ZNF124: variants seen among roughly 807,000 people sequenced by gnomAD.
ZNF124 encodes the protein zinc finger protein HZF-16.
ZNF124 carries 25 observed loss-of-function variants against 26.6 expected under a neutral mutation model. The ratio of observed to expected loss-of-function variants is 0.94; its 90% CI spans 0.68 to 1.31. The LOEUF is 1.31. Ranked by LOEUF, ZNF124 falls within the 40% of genes most tolerant of loss-of-function variation. ZNF124 has a pLI of 0.00. For missense variants in ZNF124, 444 were observed against 422.2 expected (o/e 1.05, Z -0.45); for synonymous variants, 129 against 133.3 (o/e 0.97, Z 0.22).
downstream of ZNF124, among the ~76,000 whole-genome samples, chr1:247,151,634 CACA>C (rs1226002455): frequency 1.3e-5 from 2 of 152,146 alleles, no homozygotes; most frequent in Non-Finnish European, 2.9e-5. Flanking sequence ...AAACATACAA[CACA>C]ACAATGTGAT....
At chr1:247,138,825 C>A in intron 3 of ZNF124, 2 of 398,348 alleles carry the variant, frequency 5.0e-6, no homozygotes, top group East Asian at 7.1e-5. Flanking sequence ...TTGACAGTAA[C>A]AAATAACTGG....
intron 3 of ZNF124, among the ~76,000 whole-genome samples, chr1:247,134,079 C>T (rs988040794): frequency 2.6e-5 from 4 of 152,076 alleles, no homozygotes; most frequent in Non-Finnish European, 5.9e-5. Context: ...CTACCAGGCC[C>T]GTGCTGCAAG....
chr1:247,147,656 C>T (rs750818893), intron 3 of ZNF124, among the ~76,000 whole-genome samples: 1 of 152,180 alleles, frequency 6.6e-6, no homozygotes, highest in African/African-American at 2.4e-5. Context: ...GCAGGGTGAA[C>T]ATTTTGCATA....
downstream of ZNF124, among the ~76,000 whole-genome samples, chr1:247,153,833 C>T (rs1319632060): frequency 6.6e-6 from 1 of 152,166 alleles, no homozygotes; most frequent in Non-Finnish European, 1.5e-5. Flanking sequence ...AGCAGCCATG[C>T]TAACGAAAGC....
chr1:247,157,488 A>G (rs1167537005), intron 3 of ZNF124, 85 bp from the exon 4 acceptor site: 2 of 1,382,998 alleles, frequency 1.4e-6, no homozygotes, highest in Middle Eastern at 1.8e-4. Context: ...TTTTTTGTTC[A>G]GATTAAAATT....
Position 247,168,012 on chromosome 1 carries a change from T to TG in ZNF124, c.30+3835dup, listed in dbSNP as rs1262809629. Among the ~76,000 whole-genome samples the TG allele has an allele frequency of 6.6e-6, 1 of 152,174 alleles. No homozygotes were observed. Among genetic ancestry groups the TG allele is most frequent in the Non-Finnish European group, 1.5e-5 (1 of 68,036 alleles). ...CCATAATGAGATACCACCTTACTCC[T>TG]GTAAGAATGGCCATAATCATAAAAT... On this transcript the variant is annotated intron_variant, in intron 1 of 3. Transcript: ENST00000543802. The surrounding 1 kb of genome is among the most constrained non-coding windows in gnomAD (Gnocchi z 4.0).
intron 3 of ZNF124, among the ~76,000 whole-genome samples, chr1:247,143,905 C>A (rs547810240): frequency 1.6e-4 from 24 of 152,152 alleles, no homozygotes; most frequent in Non-Finnish European, 3.1e-4. Context: ...CATCTACCCC[C>A]GTAGCCTCAG....
chr1:247,141,298 C>T (rs12409513), intron 3 of ZNF124, among the ~76,000 whole-genome samples: 4,837 of 151,554 alleles, frequency 0.032, 151 homozygotes, highest in Admixed American at 0.092. Context: ...GGCAGTTCCA[C>T]TGCAGACAGC....
At chr1:247,136,711 C>A (rs566860669) in intron 3 of ZNF124, among the ~76,000 whole-genome samples, 1 of 152,104 alleles carries the variant, frequency 6.6e-6, no homozygotes, top group Non-Finnish European at 1.5e-5. Flanking sequence ...CTTTAGGAGG[C>A]CAAGGCGGGT....
chr1:247,136,985 A>G (rs149401614), intron 3 of ZNF124, among the ~76,000 whole-genome samples: 18 of 152,082 alleles, frequency 1.2e-4, no homozygotes, highest in African/African-American at 1.4e-4. Context: ...AGAAGACCCA[A>G]TATACCCAAG....
intron 3 of ZNF124, among the ~76,000 whole-genome samples, chr1:247,145,053 C>T (rs1428134259): frequency 2.0e-5 from 3 of 152,138 alleles, no homozygotes; most frequent in African/African-American, 4.8e-5. Flanking sequence ...GGATTACAGG[C>T]GTGGGCCACT....
rs1268750755 is a variant in ZNF124 at position 247,123,784 on chromosome 1, G to A, written c.*84C>T. 9 of 680,360 alleles carry A rather than the reference G, an allele frequency of 1.3e-5. 1 individual carries two copies. Among genetic ancestry groups the A allele is most frequent in the East Asian group, 5.4e-5 (2 of 36,868 alleles). 42.1% of individuals were successfully genotyped at this position (680,360 alleles called of 1,614,324 possible). On this transcript the variant is annotated 3_prime_UTR_variant, in exon 4 of 4. Coordinates refer to the ZNF124 transcript ENST00000472531. ...AGAGGTGCATGGGCTTTGGAGTCAC[G>A]AAGTTAATCCTGAGTCCCAGCCCAG...
At position 247,159,932 on chromosome 1, in the gene ZNF124, C is replaced by G. The variant is rs1479108793; in HGVS notation, c.31-119G>C. On this transcript the variant is annotated intron_variant, in intron 1 of 3. Coordinates refer to ENST00000543802, the MANE Select transcript of ZNF124 (RefSeq NM_001297568.2). ...GAACATTTATTCTACTATTTGGTCA[C>G]TAGAACTATGACTCTGTCTACACTT... The G allele has an allele frequency of 4.4e-6, 5 of 1,138,914 alleles. No homozygotes were observed. In the Admixed American group the frequency reaches 1.4e-4, roughly 33 times the overall value. 70.6% of individuals were successfully genotyped at this position (1,138,914 alleles called of 1,614,324 possible).
chr1:247,152,705 G>A (rs531714732), downstream of ZNF124, among the ~76,000 whole-genome samples: 137 of 152,124 alleles, frequency 9.0e-4, no homozygotes, highest in Non-Finnish European at 1.6e-3. Context: ...CAATCACACC[G>A]TTATGTCCAG....
In ZNF124 at chr1:247,155,624, G is replaced by A. The variant is rs138198278; in HGVS notation, c.*942C>T. On this transcript the variant is annotated 3_prime_UTR_variant, in exon 4 of 4. Transcript: ENST00000543802. Reference sequence around the variant, plus strand: ...CGCCTGTAATCCCAGCACTTTGGGAGGCTGAAGCGGGCGGATCACGAGGTC... The same window carrying A: ...CGCCTGTAATCCCAGCACTTTGGGAAGCTGAAGCGGGCGGATCACGAGGTC... Among the ~76,000 whole-genome samples, 150 of 152,180 alleles carry A rather than the reference G, an allele frequency of 9.9e-4. No individual in the cohort carries two copies. The highest frequency in any genetic ancestry group is 3.5e-3 in the African/African-American group (145 of 41,562).
At chr1:247,143,251 A>C (rs1672674309) in intron 3 of ZNF124, among the ~76,000 whole-genome samples, 1 of 152,196 alleles carries the variant, frequency 6.6e-6, no homozygotes, top group African/African-American at 2.4e-5. Context: ...ATATATAATA[A>C]TACTAAGTTA....
rs1425527128 is a variant in ZNF124 at position 247,159,109 on chromosome 1, T to C, written c.158-43A>G. 3 of 1,563,974 alleles carry C rather than the reference T, an allele frequency of 1.9e-6. No individual in the cohort carries two copies. In the South Asian group the frequency reaches 3.5e-5, roughly 18 times the overall value. On this transcript the variant is annotated intron_variant, in intron 2 of 3. Transcript: ENST00000543802. Reference sequence around the variant, plus strand: ...AAATATATTACAAATTATTTGAAATTATAGAAAAATTACTAGACTCTAGGT... The same window carrying C: ...AAATATATTACAAATTATTTGAAATCATAGAAAAATTACTAGACTCTAGGT...
rs1672555473 is a variant in ZNF124, at chr1:247,138,885, CAA to C, written c.219-15016_219-15015del. On this transcript the variant is annotated intron_variant, in intron 3 of 3. Transcript: ENST00000472531. ...GGGCAAACCTGCCTTCCGTTCTACTCAAAGTTAACCCTCTGCTCACTGAGATC... is the reference window on the plus strand; with the variant it reads ...GGGCAAACCTGCCTTCCGTTCTACTCAGTTAACCCTCTGCTCACTGAGATC... The C allele has an allele frequency of 7.6e-6, 3 of 394,690 alleles. No individual in the cohort carries two copies. The South Asian group carries it at 4.2e-4, about 55-fold the overall frequency. 24.4% of individuals were successfully genotyped at this position (394,690 alleles called of 1,614,324 possible). A position where few individuals can be genotyped will look rare whatever the true frequency, so the allele number is the denominator to read the frequency against.
In ZNF124 at chr1:247,168,908, G is replaced by A. The variant is rs1673934079; in HGVS notation, c.30+2940C>T. ...ATTGGGTACAGCGTACACTGATAAGGTGACAGGACCAAAATCTCAGCAATC... is the reference window on the plus strand; with the variant it reads ...ATTGGGTACAGCGTACACTGATAAGATGACAGGACCAAAATCTCAGCAATC... On this transcript the variant is annotated intron_variant, in intron 1 of 3. Coordinates refer to ENST00000543802, the MANE Select transcript of ZNF124 (RefSeq NM_001297568.2). This position sits in a 1 kb window ranked among gnomAD's most constrained non-coding sequence, Gnocchi z 4.0. Among the ~76,000 whole-genome samples the A allele has an allele frequency of 6.6e-6, 1 of 152,000 alleles. No homozygotes were observed. Among genetic ancestry groups the A allele is most frequent in the South Asian group, 2.1e-4 (1 of 4,820 alleles).
Sources: allele counts gnomAD v4.1 joint callset (sites outside exome capture counted in the v4.1 genomes callset), GRCh38; gene constraint gnomAD v4.1.1; non-coding constraint Gnocchi (gnomAD v3.1); transcripts MANE v1.5; gene names NCBI Gene and HGNC (gene_info 2026-07-23, HGNC 2026-07-21).